Variants in APH1B observed in about 807,000 individuals in gnomAD.
APH1B encodes gamma-secretase subunit APH-1B.
Under a neutral mutation model 28.2 loss-of-function variants are expected in APH1B, and 27 were observed. That is an observed-to-expected ratio of 0.96 (90% CI 0.70 to 1.32). The LOEUF is 1.32. Among genes scored for constraint, APH1B ranks in the 40% most tolerant of loss-of-function variants. The probability of loss-of-function intolerance (pLI) is 0.00; values close to 1 mark genes in which losing one functional copy is unlikely to be tolerated. For missense variants in APH1B, 305 were observed against 313.6 expected, an observed-to-expected ratio of 0.97 and a Z score of 0.21; for synonymous variants, 141 against 124.6, an observed-to-expected ratio of 1.13 and a Z score of -0.88.
At chr15:63,301,339 A>G (rs1006936307) in intron 4 of APH1B, among the ~76,000 whole-genome samples, 1 of 152,226 alleles carries the variant, frequency 6.6e-6, no homozygotes, top group African/African-American at 2.4e-5. Context: ...GTGGGTGTTA[A>G]TGATTTCTTA....
intron 4 of APH1B, among the ~76,000 whole-genome samples, chr15:63,293,476 G>T (rs2038527609): frequency 6.8e-6 from 1 of 147,704 alleles, no homozygotes; most frequent in Non-Finnish European, 1.5e-5. Flanking sequence ...CTGTTTTTTT[G>T]TGTGTTTTTC....
chr15:63,294,617 C>A (rs1288416638), intron 4 of APH1B, among the ~76,000 whole-genome samples: 3 of 152,210 alleles, frequency 2.0e-5, no homozygotes, highest in African/African-American at 7.2e-5. Flanking sequence ...AGTGTTCCAA[C>A]ACTATTTCCT....
intron 4 of APH1B, among the ~76,000 whole-genome samples, chr15:63,298,159 T>C (rs758972223): frequency 1.3e-5 from 2 of 152,118 alleles, no homozygotes; most frequent in African/African-American, 2.4e-5. Flanking sequence ...TAATACAAAG[T>C]CAGAGGAAGA....
chr15:63,299,321 CT>C (rs2152600476), intron 4 of APH1B, among the ~76,000 whole-genome samples: 1 of 152,300 alleles, frequency 6.6e-6, no homozygotes, highest in African/African-American at 2.4e-5. Flanking sequence ...CTTGAGGATG[CT>C]TGCCTAAAAC....
rs1383100996 is a variant in APH1B, at chr15:63,308,905, GTGTT to G, written c.*3130_*3133del. ...TTAGTGCATTTTGTTTATGATTGCA[GTGTT>G]TGTTTCTTATTTAATAGGCTTTTTA... On this transcript the variant is annotated 3_prime_UTR_variant, in exon 6 of 6. Coordinates refer to ENST00000261879, the MANE Select transcript of APH1B (RefSeq NM_031301.4). 1 of 152,202 alleles carries G rather than the reference GTGTT, an allele frequency of 6.6e-6. No homozygotes were observed. The highest frequency in any genetic ancestry group is 1.5e-5 in the Non-Finnish European group (1 of 68,040). The allele number at this position is 152,202 out of a possible 1,614,324, so 9.4% of individuals were successfully genotyped here.
chr15:63,307,840 T>C lies in APH1B; in HGVS notation c.*2059T>C, dbSNP rs1288511393. The C allele has an allele frequency of 1.3e-5, 2 of 152,246 alleles. No individual in the cohort carries two copies. The highest frequency in any genetic ancestry group is 2.4e-5 in the African/African-American group (1 of 41,464). 9.4% of individuals were successfully genotyped at this position (152,246 alleles called of 1,614,324 possible). On this transcript the variant is annotated 3_prime_UTR_variant, in exon 6 of 6. Transcript: ENST00000261879. ...AAGCTGGGTATTGTAAAATCTCATT[T>C]ATAAAAACTCAGATGAGAAGAAAAT... is the stretch of plus-strand genomic sequence containing the variant.
At chr15:63,298,019 T>G (rs920328703) in intron 4 of APH1B, among the ~76,000 whole-genome samples, 1 of 152,138 alleles carries the variant, frequency 6.6e-6, no homozygotes, top group African/African-American at 2.4e-5. Context: ...GGGGAAAGGT[T>G]CTATGAGACT....
intron 4 of APH1B, among the ~76,000 whole-genome samples, chr15:63,302,132 G>C (rs1179616181): frequency 1.3e-5 from 2 of 152,126 alleles, no homozygotes. Context: ...ACCTTTTATT[G>C]AACAGGTTTA....
chr15:63,297,597 G>T (rs1194687157), intron 4 of APH1B, among the ~76,000 whole-genome samples: 2 of 152,102 alleles, frequency 1.3e-5, no homozygotes, highest in Non-Finnish European at 2.9e-5. Context: ...AGGACTTTTA[G>T]AATTTTATAT....
intron 3 of APH1B, 106 bp downstream of exon 3, chr15:63,286,734 G>T: frequency 9.5e-7 from 1 of 1,054,032 alleles, no homozygotes. Context: ...GTTTATTACT[G>T]CCTTGGCCTA....
chr15:63,280,876 T>C (rs1715733559), intron 2 of APH1B, among the ~76,000 whole-genome samples: 2 of 152,204 alleles, frequency 1.3e-5, no homozygotes, highest in Non-Finnish European at 2.9e-5. Flanking sequence ...CTGCTGGGCT[T>C]GGTGGCTCAT....
intron 4 of APH1B, chr15:63,292,038 A>G (rs1252477917): frequency 6.6e-6 from 1 of 152,128 alleles, no homozygotes; most frequent in East Asian, 1.9e-4. Context: ...AACCCAATAC[A>G]TTTTTTATCT....
intron 5 of APH1B, 135 bp from the exon 6 acceptor site, chr15:63,305,479 A>G (rs1595766172): frequency 4.0e-6 from 4 of 994,484 alleles, no homozygotes; most frequent in East Asian, 5.1e-5. Flanking sequence ...GCCTTAACGC[A>G]TGACACACAT....
intron 3 of APH1B, 27 bp from the exon 4 acceptor site, chr15:63,287,397 G>A: frequency 6.2e-7 from 1 of 1,611,518 alleles, no homozygotes; most frequent in East Asian, 2.2e-5. Flanking sequence ...CAGGAAAAGA[G>A]TTAACAGTGT....
At chr15:63,303,675 T>C (rs1401824011) in intron 5 of APH1B, among the ~76,000 whole-genome samples, 2 of 152,144 alleles carry the variant, frequency 1.3e-5, no homozygotes, top group Non-Finnish European at 2.9e-5. Context: ...TTTAAATTTT[T>C]TTGTAGAGAT....
chr15:63,281,534 G>GAAAAAAAAAAA, intron 2 of APH1B, among the ~76,000 whole-genome samples: 1 of 115,376 alleles, frequency 8.7e-6, no homozygotes, highest in Non-Finnish European at 1.9e-5. Flanking sequence ...GTCTAATTTT[G>GAAAAAAAAAAA]AAAAAAAAAA....
In APH1B at chr15:63,280,014, T is replaced by G. The variant is rs751816814; in HGVS notation, c.284+683T>G. ...GGTTTCACCATGTTCGCCAGGCTGG[T>G]TTCAAACTCCTGACCTCCAGTGATC... On this transcript the variant is annotated intron_variant, in intron 2 of 5. Coordinates refer to ENST00000261879, the MANE Select transcript of APH1B (RefSeq NM_031301.4). Among the ~76,000 whole-genome samples the G allele has an allele frequency of 8.7e-4, 133 of 152,156 alleles. 1 individual carries two copies. The highest frequency in any genetic ancestry group is 1.4e-3 in the Non-Finnish European group (94 of 67,990).
chr15:63,297,771 G>T (rs1273906884), intron 4 of APH1B, among the ~76,000 whole-genome samples: 1 of 152,170 alleles, frequency 6.6e-6, no homozygotes, highest in African/African-American at 2.4e-5. Flanking sequence ...GAATGATGCA[G>T]ATATCCGGGT....
chr15:63,286,862 T>C (rs769912202), intron 3 of APH1B, among the ~76,000 whole-genome samples: 3 of 152,230 alleles, frequency 2.0e-5, no homozygotes, highest in Admixed American at 6.5e-5. Flanking sequence ...GAAAGTTAGA[T>C]TTTTAATGTG....
Sources: gnomAD v4.1 joint callset for allele counts (sites outside exome capture counted in the v4.1 genomes callset) on GRCh38, gnomAD v4.1.1 for gene constraint, MANE v1.5 for transcripts, NCBI Gene and HGNC (gene_info 2026-07-23, HGNC 2026-07-21) for gene names.